Variants in SGCZ observed in about 807,000 individuals in gnomAD.
The protein encoded by SGCZ is zeta-sarcoglycan.
In SGCZ, 40 loss-of-function variants were observed where a neutral mutation model predicts 41.3. The ratio of observed to expected loss-of-function variants is 0.97; its 90% CI spans 0.75 to 1.26. The LOEUF is 1.26. Among genes scored for constraint, SGCZ ranks in the 50% most tolerant of loss-of-function variants. The pLI, the probability that SGCZ is intolerant of heterozygous loss-of-function variation, is 0.00. For missense variants in SGCZ, 552 were observed against 369.8 expected (o/e 1.49, Z -4.04); for synonymous variants, 206 against 137.5 (o/e 1.50, Z -3.49).
At chr8:14,431,774 A>G (rs1799948926) in intron 2 of SGCZ, among the ~76,000 whole-genome samples, 1 of 152,170 alleles carries the variant, frequency 6.6e-6, no homozygotes, top group African/African-American at 2.4e-5. Flanking sequence ...AATCTTCACA[A>G]TCTATACATC....
chr8:14,987,651 G>T (rs1023163675), intron 1 of SGCZ, among the ~76,000 whole-genome samples: 2 of 151,792 alleles, frequency 1.3e-5, no homozygotes, highest in African/African-American at 4.8e-5. Context: ...AGAATCTTTT[G>T]GGAAAATATT....
At chr8:15,081,913 C>G (rs1417225140) in intron 1 of SGCZ, among the ~76,000 whole-genome samples, 2 of 152,144 alleles carry the variant, frequency 1.3e-5, no homozygotes, top group Admixed American at 6.5e-5. Context: ...AAAGTAAATA[C>G]TAAAGCTGCC....
At chr8:15,074,051 C>T (rs1053762007) in intron 1 of SGCZ, among the ~76,000 whole-genome samples, 3 of 152,112 alleles carry the variant, frequency 2.0e-5, no homozygotes, top group Non-Finnish European at 4.4e-5. Flanking sequence ...AAAAGTAACA[C>T]GAGTAACGAT....
chr8:14,776,889 A>G (rs755737393), intron 1 of SGCZ, among the ~76,000 whole-genome samples: 35 of 152,352 alleles, frequency 2.3e-4, no homozygotes, highest in Non-Finnish European at 1.8e-4. Context: ...ACCAGGTTAT[A>G]GACTGACCAC....
chr8:14,147,381 T>C (rs1397385187), intron 5 of SGCZ, among the ~76,000 whole-genome samples: 1 of 152,066 alleles, frequency 6.6e-6, no homozygotes, highest in East Asian at 1.9e-4. Context: ...AGATATTCCA[T>C]GCCAATAAAA....
At chr8:14,156,419 C>A (rs1465337177) in intron 5 of SGCZ, among the ~76,000 whole-genome samples, 1 of 152,002 alleles carries the variant, frequency 6.6e-6, no homozygotes, top group Non-Finnish European at 1.5e-5. Context: ...AGAGATCATG[C>A]CACTTCACTC....
At chr8:14,261,502 C>A (rs1280187696) in intron 3 of SGCZ, among the ~76,000 whole-genome samples, 1 of 152,124 alleles carries the variant, frequency 6.6e-6, no homozygotes, top group African/African-American at 2.4e-5. Flanking sequence ...AGTTCACTCC[C>A]TTTGAAAGTT....
At position 14,962,169 on chromosome 8, in the gene SGCZ, T is replaced by C. The variant is rs140829996; in HGVS notation, c.39+275416A>G. Among the ~76,000 whole-genome samples, 198 of 152,254 alleles carry C rather than the reference T, an allele frequency of 1.3e-3. 1 individual carries two copies. Among genetic ancestry groups the C allele is most frequent in the Non-Finnish European group, 2.0e-3 (138 of 68,012 alleles). On this transcript the variant is annotated intron_variant, in intron 1 of 7. Transcript: ENST00000382080. ...TGAAATTCCCTCAATGGTATGTGAA[T>C]TAATTATTACGTCAACCAGTTTCTG...
chr8:14,704,223 A>G (rs1312547354), intron 1 of SGCZ, among the ~76,000 whole-genome samples: 2 of 151,964 alleles, frequency 1.3e-5, no homozygotes, highest in Admixed American at 1.3e-4. Flanking sequence ...AGCTAATAAT[A>G]ATAGCAGTAA....
At chr8:14,318,326 A>T (rs1801785790) in intron 3 of SGCZ, among the ~76,000 whole-genome samples, 1 of 151,870 alleles carries the variant, frequency 6.6e-6, no homozygotes, top group Non-Finnish European at 1.5e-5. Context: ...GTTTTTACAA[A>T]TCTCCCTCAC....
intron 1 of SGCZ, among the ~76,000 whole-genome samples, chr8:15,083,339 C>A (rs777829716): frequency 6.6e-6 from 1 of 152,014 alleles, no homozygotes; most frequent in Non-Finnish European, 1.5e-5. Flanking sequence ...CTTAGAATAA[C>A]GGTATCACCG....
In SGCZ at chr8:14,457,190, G is replaced by A. The variant is rs560861596; in HGVS notation, c.234+97542C>T. On this transcript the variant is annotated intron_variant, in intron 2 of 7. Transcript: ENST00000382080. ...TTATTCCAGTATTATGATAATCCTC[G>A]CTCTATAATCATAGCCTAGGAAAAA... 1.4e-4 allele frequency among the ~76,000 whole-genome samples: 21 copies of A among 152,216 alleles called. No homozygotes were observed. The East Asian group carries it at 3.3e-3, about 24-fold the overall frequency.
intron 1 of SGCZ, among the ~76,000 whole-genome samples, chr8:14,702,864 GATA>G (rs1563213151): frequency 1.5e-5 from 2 of 136,580 alleles, no homozygotes; most frequent in African/African-American, 2.7e-5. Flanking sequence ...TAGATAGATA[GATA>G]GATAGATAGA....
chr8:14,868,473 C>A (rs1050923867), intron 1 of SGCZ, among the ~76,000 whole-genome samples: 1 of 152,054 alleles, frequency 6.6e-6, no homozygotes, highest in African/African-American at 2.4e-5. Flanking sequence ...GTATCTGTTT[C>A]ATTTTTGTGT....
chr8:14,642,799 G>T (rs918816995), intron 1 of SGCZ, among the ~76,000 whole-genome samples: 1 of 151,320 alleles, frequency 6.6e-6, no homozygotes, highest in Non-Finnish European at 1.5e-5. Context: ...ATACAAAATG[G>T]CACTGACTTT....
chr8:14,508,975 CA>C, intron 2 of SGCZ, among the ~76,000 whole-genome samples: 1 of 152,154 alleles, frequency 6.6e-6, no homozygotes, highest in East Asian at 1.9e-4. Context: ...TTACTGGAAA[CA>C]AATTATACAA....
rs560085752 is a variant in SGCZ, at chr8:14,577,365, A to C, written c.40-22439T>G. Among the ~76,000 whole-genome samples the C allele has an allele frequency of 2.6e-3, 400 of 151,812 alleles. 4 individuals carry two copies. The highest frequency in any genetic ancestry group is 4.7e-3 in the Non-Finnish European group (320 of 67,956). ...ACATTTAATAATTTTACATGAAATA[A>C]GAAAGAAAAGAAATATATCTTTTTT... On this transcript the variant is annotated intron_variant, in intron 1 of 7. Coordinates refer to ENST00000382080, the MANE Select transcript of SGCZ (RefSeq NM_139167.4).
rs1799459793 is a variant in SGCZ, at chr8:15,159,895, T to C, written c.39+77690A>G. 1.3e-5 allele frequency among the ~76,000 whole-genome samples: 2 copies of C among 151,600 alleles called. 1 individual carries two copies. Among genetic ancestry groups the C allele is most frequent in the South Asian group, 4.2e-4 (2 of 4,792 alleles). On this transcript the variant is annotated intron_variant, in intron 1 of 7. Transcript: ENST00000382080. ...CACAAATTAAGTTGCAAATGGTAAG[T>C]GTGCTACAACTTTGTGCCAATAGGC... is the stretch of plus-strand genomic sequence containing the variant.
chr8:15,089,416 C>G (rs578021459), intron 1 of SGCZ, among the ~76,000 whole-genome samples: 2 of 151,710 alleles, frequency 1.3e-5, no homozygotes, highest in Non-Finnish European at 2.9e-5. Flanking sequence ...AAAATATGCT[C>G]CTCTAAAAAT....
Sources: allele counts gnomAD v4.1 joint callset (sites outside exome capture counted in the v4.1 genomes callset), GRCh38; gene constraint gnomAD v4.1.1; transcripts MANE v1.5; gene names NCBI Gene and HGNC (gene_info 2026-07-23, HGNC 2026-07-21).